Variants in PPIL2 observed in about 807,000 individuals in gnomAD.
PPIL2 encodes the protein peptidylprolyl isomerase like 2, also known as RING-type E3 ubiquitin-protein ligase PPIL2.
Under a neutral mutation model 75.2 loss-of-function variants are expected in PPIL2, and 50 were observed. The ratio of observed to expected loss-of-function variants is 0.66; its 90% CI spans 0.53 to 0.84. The LOEUF is 0.84. PPIL2 is among the 40% of genes least tolerant of loss of function. The pLI is 0.00. For synonymous variants in PPIL2, 245 were observed against 258.8 expected (o/e 0.95, Z 0.51); for missense variants, 590 against 685.0 (o/e 0.86, Z 1.55).
chr22:21,676,304 T>TG (rs1384213798), intron 6 of PPIL2, among the ~76,000 whole-genome samples: 69 of 131,268 alleles, frequency 5.3e-4, no homozygotes, highest in Non-Finnish European at 1.3e-4. Flanking sequence ...ATTTATTTAT[T>TG]TATTTTGTGT....
rs577051051 is a variant in PPIL2 at position 21,694,829 on chromosome 22, C to T, written c.1332+12C>T. 111 of 1,593,596 alleles carry T rather than the reference C, an allele frequency of 7.0e-5. No individual in the cohort carries two copies. In the South Asian group the frequency reaches 1.1e-3, roughly 15 times the overall value. ...AGGCCGATGCCCAGGTGAGGGGGCA[C>T]GATGCCACCACCTAGGAGGGTCTGG... is the stretch of plus-strand genomic sequence containing the variant. On this transcript the variant is annotated intron_variant, in intron 18 of 19. Coordinates refer to ENST00000398831, the MANE Select transcript of PPIL2 (RefSeq NM_014337.4).
intron 4 of PPIL2, among the ~76,000 whole-genome samples, chr22:21,671,446 A>G (rs2066630312): frequency 6.6e-6 from 1 of 152,240 alleles, no homozygotes; most frequent in South Asian, 2.1e-4. Flanking sequence ...TGATTGAGAT[A>G]ACACTGTGAA....
intron 16 of PPIL2, 91 bp from the exon 17 acceptor site, chr22:21,694,502 T>C (rs1467502518): frequency 5.5e-6 from 8 of 1,444,118 alleles, no homozygotes; most frequent in Non-Finnish European, 7.7e-6. Flanking sequence ...GCCTCGGGGC[T>C]CTCAACCCCT....
At chr22:21,676,703 C>T (rs2066877632) in intron 6 of PPIL2, among the ~76,000 whole-genome samples, 1 of 101,386 alleles carries the variant, frequency 9.9e-6, no homozygotes, top group Admixed American at 1.0e-4. Context: ...CAACAGCATC[C>T]CAAGGCAGAA....
Position 21,695,969 on chromosome 22 carries a change from GCAC to G in PPIL2, c.*483_*485del. 1.8e-6 allele frequency: 1 copy of G among 561,622 alleles called. No individual in the cohort carries two copies. The highest frequency in any genetic ancestry group is 2.0e-5 in the African/African-American group (1 of 49,166). 34.8% of individuals were successfully genotyped at this position (561,622 alleles called of 1,614,324 possible). On this transcript the variant is annotated 3_prime_UTR_variant, in exon 20 of 20. Transcript: ENST00000398831. ...CGCAAGTAGCTGGGACTACAGCCGT[GCAC>G]CACTACATCCAGCTGTATATGTCTG...
chr22:21,679,514 A>G (rs951467934), intron 6 of PPIL2, among the ~76,000 whole-genome samples: 6 of 151,968 alleles, frequency 3.9e-5, no homozygotes, highest in African/African-American at 1.4e-4. Flanking sequence ...AGGTGGGAGG[A>G]TTATTGGAGC....
At chr22:21,680,278 G>C (rs905996422) in intron 6 of PPIL2, among the ~76,000 whole-genome samples, 1 of 152,162 alleles carries the variant, frequency 6.6e-6, no homozygotes, top group African/African-American at 2.4e-5. Context: ...TGTAATGCCA[G>C]CACTTTGAGA....
chr22:21,695,141 G>A, intron 19 of PPIL2, 71 bp downstream of exon 19: 1 of 1,481,254 alleles, frequency 6.8e-7, no homozygotes, highest in Non-Finnish European at 8.9e-7. Context: ...CTGAGGGTCA[G>A]ACCCAGAGGG....
intron 9 of PPIL2, among the ~76,000 whole-genome samples, chr22:21,684,548 T>C (rs1569033812): frequency 1.3e-5 from 2 of 150,922 alleles, no homozygotes; most frequent in East Asian, 3.9e-4. Context: ...CAAATCAACC[T>C]GAAGTCCATC....
At chr22:21,670,826 A>G (rs938152327) in intron 3 of PPIL2, 171 bp from the exon 4 acceptor site, 1 of 855,698 alleles carries the variant, frequency 1.2e-6, no homozygotes, top group Non-Finnish European at 2.0e-6. Flanking sequence ...CAGGGGTGGC[A>G]CAAACACTAT....
downstream of PPIL2, chr22:21,698,666 T>C (rs2068028690): frequency 6.6e-6 from 1 of 152,386 alleles, no homozygotes; most frequent in Admixed American, 6.5e-5. Context: ...GAAGGTGTCT[T>C]TCAGCCTCTT....
rs1238462163 is a variant in PPIL2, at chr22:21,696,689, A to C, written c.*1199A>C. 5.9e-6 allele frequency: 9 copies of C among 1,534,436 alleles called. No homozygotes were observed. The highest frequency in any genetic ancestry group is 7.0e-6 in the Non-Finnish European group (8 of 1,146,126). ...TTCTAGTTCTTCACACTAAGCCCTAACTTAGGCCTTGTTCTTGGTTTTCTC... is the reference window on the plus strand; with the variant it reads ...TTCTAGTTCTTCACACTAAGCCCTACCTTAGGCCTTGTTCTTGGTTTTCTC... On this transcript the variant is annotated 3_prime_UTR_variant, in exon 20 of 20. Coordinates refer to ENST00000398831, the MANE Select transcript of PPIL2 (RefSeq NM_014337.4).
rs112173539 is a variant in PPIL2 at position 21,687,002 on chromosome 22, G to A, written c.897+4G>A. The A allele has an allele frequency of 1.9e-6, 3 of 1,612,728 alleles. No individual in the cohort carries two copies. The highest frequency in any genetic ancestry group is 1.3e-5 in the African/African-American group (1 of 74,818). ...CCTGGAGCTGCACTGCGACCTGGTG[G>A]GTGTGGAGGCCAGCCACTCCCCATG... On this transcript the variant is annotated splice_donor_region_variant and intron_variant, in intron 12 of 19. Coordinates refer to ENST00000398831, the MANE Select transcript of PPIL2 (RefSeq NM_014337.4).
At chr22:21,672,285 C>T (rs999773997) in intron 4 of PPIL2, 45 bp from the exon 5 acceptor site, 9 of 1,547,974 alleles carry the variant, frequency 5.8e-6, no homozygotes, top group East Asian at 4.5e-5. Context: ...TACCAGGTGG[C>T]GCCTAAGCAC....
chr22:21,666,282 T>C, intron 1 of PPIL2, 151 bp downstream of exon 1: 1 of 955,932 alleles, frequency 1.0e-6, no homozygotes, highest in Non-Finnish European at 1.5e-6. Context: ...CTGTCTCCAG[T>C]CAGGGTAATG....
chr22:21,692,645 G>T (rs1281679597), intron 15 of PPIL2, among the ~76,000 whole-genome samples: 2 of 151,454 alleles, frequency 1.3e-5, no homozygotes, highest in African/African-American at 2.4e-5. Flanking sequence ...TCCAAAGTTG[G>T]CCAGGTGCAG....
chr22:21,677,271 C>T (rs978505692), intron 6 of PPIL2, among the ~76,000 whole-genome samples: 5 of 142,882 alleles, frequency 3.5e-5, no homozygotes, highest in African/African-American at 7.6e-5. Flanking sequence ...TGGGCAGAGA[C>T]GCTCCTCACA....
rs763736700 is a variant in PPIL2 at position 21,686,992 on chromosome 22, C to T, written c.891C>T (p.Cys297=). ...NKGDLNLELH[C]DLTPKTCENF... ...GCGACCTCAACCTGGAGCTGCACTG[C>T]GACCTGGTGGGTGTGGAGGCCAGCC... is the stretch of plus-strand genomic sequence containing the variant. The change falls in exon 12 of 20, where the codon TGC becomes TGT. Residue 297 remains cysteine (C), a synonymous_variant. Transcript: ENST00000398831. The T allele has an allele frequency of 1.2e-5, 20 of 1,613,324 alleles. No homozygotes were observed. Among genetic ancestry groups the T allele is most frequent in the East Asian group, 2.2e-5 (1 of 44,882 alleles).
intron 13 of PPIL2, 105 bp downstream of exon 13, chr22:21,687,837 G>A (rs2067439581): frequency 2.5e-6 from 3 of 1,217,750 alleles, no homozygotes; most frequent in African/African-American, 1.5e-5. Context: ...ATCCCACGGT[G>A]GCCAGGATGA....
Sources: allele counts gnomAD v4.1 joint callset (sites outside exome capture counted in the v4.1 genomes callset), GRCh38; gene constraint gnomAD v4.1.1; transcripts MANE v1.5; gene names NCBI Gene and HGNC (gene_info 2026-07-23, HGNC 2026-07-21).